C7orf78: variants seen among roughly 807,000 people sequenced by gnomAD.
The protein encoded by C7orf78 is chromosome 7 open reading frame 78, also known as putative uncharacterized protein C7orf78.
chr7:12,530,402 A>G, the C7orf78 span: 1 of 152,216 alleles, frequency 6.6e-6, no homozygotes. Flanking sequence ...GCTATCTGTC[A>G]TGTGATGCGA....
the C7orf78 span, among the ~76,000 whole-genome samples, chr7:12,535,481 C>A: frequency 6.6e-6 from 1 of 152,122 alleles, no homozygotes; most frequent in Non-Finnish European, 1.5e-5. Context: ...CTTCCCAGAA[C>A]ACATGGGAAT....
the C7orf78 span, chr7:12,506,203 A>C: frequency 6.6e-6 from 1 of 152,240 alleles, no homozygotes; most frequent in Non-Finnish European, 1.5e-5. Flanking sequence ...GGGAGTGTAA[A>C]TTAGTTCAAC....
chr7:12,513,088 C>T, the C7orf78 span, among the ~76,000 whole-genome samples: 1 of 151,598 alleles, frequency 6.6e-6, no homozygotes, highest in African/African-American at 2.4e-5. Flanking sequence ...AGTGGTTCAT[C>T]GATTTTATCT....
chr7:12,535,719 C>T, the C7orf78 span, among the ~76,000 whole-genome samples: 5 of 152,350 alleles, frequency 3.3e-5, no homozygotes, highest in African/African-American at 1.2e-4. Flanking sequence ...AAGTTAGTTA[C>T]TTCCTAGATA....
chr7:12,523,602 A>G, the C7orf78 span, among the ~76,000 whole-genome samples: 1 of 152,172 alleles, frequency 6.6e-6, no homozygotes, highest in East Asian at 1.9e-4. Flanking sequence ...ATTTAGCAAT[A>G]AATGATAGAA....
chr7:12,484,760 C>A, the C7orf78 span, among the ~76,000 whole-genome samples: 1 of 152,078 alleles, frequency 6.6e-6, no homozygotes, highest in African/African-American at 2.4e-5. Context: ...ATTAGTACAG[C>A]ATTCTAAATA....
the C7orf78 span, among the ~76,000 whole-genome samples, chr7:12,517,388 C>T: frequency 9.9e-5 from 15 of 152,066 alleles, no homozygotes; most frequent in Admixed American, 4.6e-4. Context: ...ATGTTTTTAT[C>T]GGCAGCATGA....
the C7orf78 span, among the ~76,000 whole-genome samples, chr7:12,487,411 G>A: frequency 6.6e-6 from 1 of 151,966 alleles, no homozygotes; most frequent in East Asian, 1.9e-4. Context: ...ATATGTTCAC[G>A]GCCTTCAAAA....
At chr7:12,529,261 A>G in the C7orf78 span, among the ~76,000 whole-genome samples, 5 of 152,240 alleles carry the variant, frequency 3.3e-5, no homozygotes, top group Non-Finnish European at 7.3e-5. Flanking sequence ...TGATAAAAGA[A>G]TAAGTGTATT....
the C7orf78 span, among the ~76,000 whole-genome samples, chr7:12,528,519 G>A: frequency 6.8e-6 from 1 of 147,068 alleles, no homozygotes; most frequent in East Asian, 2.0e-4. Flanking sequence ...GAAAATGTCA[G>A]CTTTCTTAGT....
chr7:12,525,793 A>T, the C7orf78 span: 1 of 396,408 alleles, frequency 2.5e-6, no homozygotes, highest in Non-Finnish European at 4.5e-6. Context: ...TATTAATAAT[A>T]TTGCAATCTT....
the C7orf78 span, among the ~76,000 whole-genome samples, chr7:12,535,772 G>A: frequency 6.6e-6 from 1 of 152,178 alleles, no homozygotes; most frequent in East Asian, 1.9e-4. Context: ...AATTCCAAAT[G>A]GGAGAAATTG....
chr7:12,517,838 A>G, the C7orf78 span, among the ~76,000 whole-genome samples: 1 of 151,738 alleles, frequency 6.6e-6, no homozygotes, highest in Non-Finnish European at 1.5e-5. Context: ...TATCTTGCTG[A>G]GCTCCTTTAA....
chr7:12,512,028 G>A, the C7orf78 span, among the ~76,000 whole-genome samples: 6 of 145,982 alleles, frequency 4.1e-5, no homozygotes, highest in Non-Finnish European at 5.9e-5. Flanking sequence ...ACCCTCCTTG[G>A]CCTCCCAAAG....
the C7orf78 span, among the ~76,000 whole-genome samples, chr7:12,505,311 A>G: frequency 6.6e-6 from 1 of 152,132 alleles, no homozygotes; most frequent in Non-Finnish European, 1.5e-5. Flanking sequence ...CACACAGCTC[A>G]ATCTAAAACA....
the C7orf78 span, among the ~76,000 whole-genome samples, chr7:12,486,252 C>T: frequency 6.6e-6 from 1 of 152,008 alleles, no homozygotes; most frequent in Non-Finnish European, 1.5e-5. Context: ...TCCATTCCAT[C>T]TAGCATTAAA....
At chr7:12,489,418 C>G in the C7orf78 span, among the ~76,000 whole-genome samples, 2 of 152,090 alleles carry the variant, frequency 1.3e-5, no homozygotes, top group Non-Finnish European at 2.9e-5. Flanking sequence ...TTTATTTTAA[C>G]TAAGAAGCAG....
chr7:12,531,324 C>T, the C7orf78 span, among the ~76,000 whole-genome samples: 7 of 151,948 alleles, frequency 4.6e-5, no homozygotes, highest in Admixed American at 6.6e-5. Context: ...CTGTTTCCTA[C>T]GTGCATAATC....
chr7:12,513,463 G>C, the C7orf78 span, among the ~76,000 whole-genome samples: 1 of 151,852 alleles, frequency 6.6e-6, no homozygotes, highest in African/African-American at 2.4e-5. Context: ...ATTTGCATTT[G>C]TATCAAGAAA....
Sources: allele counts gnomAD v4.1 joint callset (sites outside exome capture counted in the v4.1 genomes callset), GRCh38; gene constraint gnomAD v4.1.1; transcripts MANE v1.5; gene names NCBI Gene and HGNC (gene_info 2026-07-23, HGNC 2026-07-21).